The following ZFHX3 variants were observed in gnomAD, a reference collection of about 807,000 sequenced individuals.
ZFHX3 encodes zinc finger homeobox protein 3.
In ZFHX3, 42 loss-of-function variants were observed where a neutral mutation model predicts 279.1. The observed-to-expected ratio is 0.15, with a 90% CI of 0.12 to 0.19. The LOEUF (loss-of-function observed/expected upper bound fraction) is 0.19, where lower values mean the gene tolerates loss of function less well. ZFHX3 is among the 10% of genes least tolerant of loss of function. ZFHX3 has a pLI of 1.00. For synonymous variants in ZFHX3, 2,293 were observed against 1,957.8 expected (o/e 1.17, Z -4.52); for missense variants, 4,981 against 4,754.0 (o/e 1.05, Z -1.40).
chr16:73,582,687 G>A (rs1163130861), intron 2 of ZFHX3, among the ~76,000 whole-genome samples: 26 of 151,904 alleles, frequency 1.7e-4, no homozygotes, highest in Admixed American at 1.6e-3. Flanking sequence ...ATGTTGGCCA[G>A]GCTAGTCTCC....
At chr16:73,127,321 G>C (rs1460775177) in intron 7 of ZFHX3, 28 of 1,293,822 alleles carry the variant, frequency 2.2e-5, no homozygotes, top group Non-Finnish European at 2.7e-5. Context: ...AGCCTTCGCT[G>C]GTGGCAGCCG....
chr16:72,958,682 GTCTTCCTCCTCCTCT>G lies in ZFHX3; in HGVS notation c.1449_1463del (p.Glu483_Glu487del), dbSNP rs376713069. 1,155 of 1,611,756 alleles carry G rather than the reference GTCTTCCTCCTCCTCT, an allele frequency of 7.2e-4. 2 individuals carry two copies. Among genetic ancestry groups the G allele is most frequent in the Middle Eastern group, 1.5e-3 (9 of 5,918 alleles). On this transcript the variant is annotated inframe_deletion, in exon 2 of 10. Transcript: ENST00000268489. Reference sequence around the variant, plus strand: ...TTGGAAAGAGTCCTTTGCAACCCTCGTCTTCCTCCTCCTCTTCTTCCTCCTCCTCTTCTTCCTCCT... The same window carrying G: ...TTGGAAAGAGTCCTTTGCAACCCTCGTCTTCCTCCTCCTCTTCTTCCTCCT...
intron 1 of ZFHX3, among the ~76,000 whole-genome samples, chr16:73,870,189 T>C (rs1282231930): frequency 1.3e-5 from 2 of 152,198 alleles, no homozygotes; most frequent in Admixed American, 6.5e-5. Context: ...TCAATTTACA[T>C]ACAATCAAGG....
intron 6 of ZFHX3, among the ~76,000 whole-genome samples, chr16:73,132,835 G>C (rs73593186): frequency 0.033 from 5,077 of 152,280 alleles, 284 homozygotes; most frequent in African/African-American, 0.12. Flanking sequence ...TGATCAATCA[G>C]GAGGAGAGGG....
At chr16:73,646,883 G>C (rs2052622798) in intron 2 of ZFHX3, among the ~76,000 whole-genome samples, 1 of 152,064 alleles carries the variant, frequency 6.6e-6, no homozygotes. Flanking sequence ...CGTCTCAGAG[G>C]GATTGTATAA....
At chr16:73,246,459 C>T (rs527383936) in intron 5 of ZFHX3, among the ~76,000 whole-genome samples, 4 of 152,348 alleles carry the variant, frequency 2.6e-5, no homozygotes, top group African/African-American at 9.6e-5. Flanking sequence ...GACTGCGCTC[C>T]TAAACAGCCA....
At chr16:73,839,636 A>G (rs1267611346) in intron 1 of ZFHX3, among the ~76,000 whole-genome samples, 1 of 152,222 alleles carries the variant, frequency 6.6e-6, no homozygotes, top group Non-Finnish European at 1.5e-5. Context: ...TCTTGAGTCC[A>G]TCATGATAAA....
rs2020403477 is a variant in ZFHX3 at position 73,563,337 on chromosome 16, A to ACGC, written c.-1546-107080_-1546-107079insGCG. On this transcript the variant is annotated intron_variant, in intron 2 of 17. Transcript: ENST00000641206. ...ACTGCAAGCTCTGCCTCCTGGGTTCACACCATTCTCCTGCCTCCACGCCAT... is the reference window on the plus strand; with the variant it reads ...ACTGCAAGCTCTGCCTCCTGGGTTCACGCCACCATTCTCCTGCCTCCACGCCAT... Among the ~76,000 whole-genome samples, 5 of 150,944 alleles carry ACGC rather than the reference A, an allele frequency of 3.3e-5. No individual in the cohort carries two copies. The South Asian group carries it at 8.4e-4, about 25-fold the overall frequency.
chr16:73,662,858 C>T (rs540339798), intron 2 of ZFHX3, among the ~76,000 whole-genome samples: 32 of 151,988 alleles, frequency 2.1e-4, no homozygotes, highest in African/African-American at 6.3e-4. Flanking sequence ...GGGAAGTGGG[C>T]GGGGGAGAAG....
intron 2 of ZFHX3, among the ~76,000 whole-genome samples, chr16:73,643,829 CCT>C (rs1231335905): frequency 3.3e-5 from 5 of 152,148 alleles, no homozygotes; most frequent in Non-Finnish European, 1.5e-5. Context: ...AAACAAAAGC[CCT>C]TTTTCAGTTC....
intron 1 of ZFHX3, among the ~76,000 whole-genome samples, chr16:72,985,415 G>T (rs566604234): frequency 5.1e-4 from 78 of 152,348 alleles, no homozygotes; most frequent in African/African-American, 1.8e-3. Flanking sequence ...AAACAAATGT[G>T]AGGGGAGTCC....
intron 1 of ZFHX3, among the ~76,000 whole-genome samples, chr16:72,962,778 C>T (rs1597024721): frequency 6.6e-6 from 1 of 152,246 alleles, no homozygotes; most frequent in East Asian, 1.9e-4. Context: ...AGGTACCAAG[C>T]ACAGCTCTTC....
intron 1 of ZFHX3, among the ~76,000 whole-genome samples, chr16:73,887,370 TAA>T (rs2030380655): frequency 6.6e-6 from 1 of 152,196 alleles, no homozygotes; most frequent in Admixed American, 6.5e-5. Flanking sequence ...AAAAGGTTTA[TAA>T]ATATTTGCAA....
intron 1 of ZFHX3, among the ~76,000 whole-genome samples, chr16:73,681,390 TA>T (rs961895686): frequency 6.6e-6 from 1 of 152,188 alleles, no homozygotes; most frequent in African/African-American, 2.4e-5. Context: ...ATTTTGAAAG[TA>T]AAAGGTGAAC....
intron 5 of ZFHX3, among the ~76,000 whole-genome samples, chr16:73,144,624 C>T (rs188152836): frequency 7.2e-5 from 11 of 152,274 alleles, no homozygotes; most frequent in African/African-American, 2.2e-4. Flanking sequence ...TTATACACCA[C>T]GCTGTGTCCT....
rs145244458 is a variant in ZFHX3, at chr16:73,371,508, C to T, written c.-1290-53172G>A. 4.1e-4 allele frequency among the ~76,000 whole-genome samples: 62 copies of T among 151,706 alleles called. 3 individuals carry two copies. In the East Asian group the frequency reaches 9.0e-3, roughly 22 times the overall value. On this transcript the variant is annotated intron_variant, in intron 3 of 17. Coordinates refer to the ZFHX3 transcript ENST00000641206. ...CCTCCAATTTTACAGGTAAAAAAAC[C>T]GAGTACCAGGTAAGTTAAGTGAGTT... is the stretch of plus-strand genomic sequence containing the variant.
rs1219341911 is a variant in ZFHX3, at chr16:73,757,393, T to A, written c.-1607-77153A>T. Among the ~76,000 whole-genome samples, 5 of 152,234 alleles carry A rather than the reference T, an allele frequency of 3.3e-5. No homozygotes were observed. In the South Asian group the frequency reaches 8.3e-4, roughly 25 times the overall value. ...TAAGAAGGCCAAGCCAGAAGTCAGA[T>A]TCTCAGAACATCAGCTGTGGATGTC... On this transcript the variant is annotated intron_variant, in intron 1 of 17. Coordinates refer to the ZFHX3 transcript ENST00000641206.
At chr16:73,053,778 T>C (rs1965493779) in intron 1 of ZFHX3, among the ~76,000 whole-genome samples, 1 of 152,042 alleles carries the variant, frequency 6.6e-6, no homozygotes, top group Admixed American at 6.5e-5. Context: ...GGCTCTGAGC[T>C]GAAAGGCAAG....
At chr16:73,754,250 G>T (rs1030682696) in intron 1 of ZFHX3, among the ~76,000 whole-genome samples, 2 of 152,118 alleles carry the variant, frequency 1.3e-5, no homozygotes, top group Non-Finnish European at 2.9e-5. Context: ...CTATCTTACT[G>T]CTTTTAGTCT....
Sources: allele counts gnomAD v4.1 joint callset (sites outside exome capture counted in the v4.1 genomes callset), GRCh38; gene constraint gnomAD v4.1.1; transcripts MANE v1.5; gene names NCBI Gene and HGNC (gene_info 2026-07-23, HGNC 2026-07-21).